Variants in LARGE1 observed in about 807,000 individuals in gnomAD.
LARGE1 encodes the protein LARGE xylosyl- and glucuronyltransferase 1.
Under a neutral mutation model 87.6 loss-of-function variants are expected in LARGE1, and 43 were observed. The observed-to-expected ratio is 0.49, with a 90% confidence interval of 0.38 to 0.63. The LOEUF is 0.63. Among genes scored for constraint, LARGE1 ranks in the 30% least tolerant of loss-of-function variants. The pLI, the probability that LARGE1 is intolerant of heterozygous loss-of-function variation, is 0.00. For synonymous variants in LARGE1, 434 were observed against 394.6 expected (o/e 1.10, Z -1.18); for missense variants, 802 against 1,000.2 (o/e 0.80, Z 2.67).
intron 7 of LARGE1, among the ~76,000 whole-genome samples, chr22:33,416,003 T>C (rs148016902): frequency 6.6e-6 from 1 of 152,352 alleles, no homozygotes; most frequent in African/African-American, 2.4e-5. Flanking sequence ...GCACCACGAA[T>C]CTTAGCTATC....
chr22:33,274,426 G>A lies in LARGE1; in HGVS notation c.*1C>T, dbSNP rs1928748730. 1.9e-6 allele frequency: 3 copies of A among 1,614,018 alleles called. No individual in the cohort carries two copies. The highest frequency in any genetic ancestry group is 2.5e-6 in the Non-Finnish European group (3 of 1,179,982). On this transcript the variant is annotated 3_prime_UTR_variant, in exon 15 of 15. Transcript: ENST00000397394. ...TCCCCCTAGTGGTGGGCTTCTTGGTGCTAGCTGTTGTTCTCGGCTGTGAGA... is the reference window on the plus strand; with the variant it reads ...TCCCCCTAGTGGTGGGCTTCTTGGTACTAGCTGTTGTTCTCGGCTGTGAGA...
chr22:33,351,407 C>A (rs1343915793), intron 9 of LARGE1, among the ~76,000 whole-genome samples: 1 of 152,176 alleles, frequency 6.6e-6, no homozygotes, highest in Non-Finnish European at 1.5e-5. Context: ...CTTCTGTCAA[C>A]CAACCATACT....
chr22:33,444,728 G>A (rs771963366), intron 6 of LARGE1, among the ~76,000 whole-genome samples: 2 of 152,168 alleles, frequency 1.3e-5, no homozygotes, highest in Non-Finnish European at 2.9e-5. Context: ...CATGAGATAA[G>A]TTATTCATCT....
intron 6 of LARGE1, among the ~76,000 whole-genome samples, chr22:33,562,094 T>C (rs1312381361): frequency 6.6e-6 from 1 of 152,176 alleles, no homozygotes; most frequent in East Asian, 1.9e-4. Flanking sequence ...TGAAGGACAC[T>C]CTCTCTTGGA....
chr22:33,266,667 G>T (rs1428121068), intron 11 of LARGE1, among the ~76,000 whole-genome samples: 1 of 151,654 alleles, frequency 6.6e-6, no homozygotes, highest in Non-Finnish European at 1.5e-5. Context: ...TCTCCAGCAG[G>T]AGTATGAAAA....
chr22:33,738,758 T>C (rs1601480442), intron 2 of LARGE1, among the ~76,000 whole-genome samples: 1 of 147,534 alleles, frequency 6.8e-6, no homozygotes, highest in African/African-American at 2.5e-5. Flanking sequence ...GGCCAGAGAG[T>C]GGTGTGAACC....
intron 11 of LARGE1, among the ~76,000 whole-genome samples, chr22:33,180,758 T>C (rs1923118376): frequency 6.6e-6 from 1 of 152,122 alleles, no homozygotes; most frequent in East Asian, 1.9e-4. Flanking sequence ...GAATGTAGTA[T>C]GAATACATGC....
intron 6 of LARGE1, among the ~76,000 whole-genome samples, chr22:33,471,238 A>G (rs2148110776): frequency 6.6e-6 from 1 of 151,944 alleles, no homozygotes; most frequent in South Asian, 2.1e-4. Flanking sequence ...AGAGATTTTT[A>G]GCACCACGGT....
chr22:33,738,607 C>T (rs1287103059), intron 2 of LARGE1, among the ~76,000 whole-genome samples: 2 of 152,156 alleles, frequency 1.3e-5, no homozygotes, highest in Non-Finnish European at 2.9e-5. Context: ...CGCCTGTAAT[C>T]CCAGCACTTT....
At chr22:33,255,284 T>A (rs1055245797) in intron 11 of LARGE1, among the ~76,000 whole-genome samples, 2 of 152,166 alleles carry the variant, frequency 1.3e-5, no homozygotes, top group African/African-American at 4.8e-5. Flanking sequence ...ATTTTAACTT[T>A]CACATTCAGT....
the LARGE1 span, among the ~76,000 whole-genome samples, chr22:33,094,838 C>A: frequency 1.3e-5 from 2 of 152,232 alleles, no homozygotes; most frequent in Non-Finnish European, 2.9e-5. Flanking sequence ...CCTGCCTCAG[C>A]CTCCTGAGTA....
downstream of LARGE1, among the ~76,000 whole-genome samples, chr22:33,269,732 CCGGT>C (rs1318735640): frequency 1.3e-5 from 2 of 151,770 alleles, no homozygotes; most frequent in Admixed American, 1.3e-4. Context: ...ACCTGAGCCA[CCGGT>C]GGCTCACGCC....
rs1277581167 is a variant in LARGE1, at chr22:33,432,062, G to A, written c.892+99C>T. ...ACCACTGAATTCAAGCAATCAGGTG[G>A]CCTCCTCCTGAGCTTTTGCAATCTC... On this transcript the variant is annotated intron_variant, in intron 7 of 14. Coordinates refer to ENST00000397394, the MANE Select transcript of LARGE1 (RefSeq NM_133642.5). 3 of 913,340 alleles carry A rather than the reference G, an allele frequency of 3.3e-6. No homozygotes were observed. In the East Asian group the frequency reaches 7.6e-5, roughly 23 times the overall value. The allele number at this position is 913,340 out of a possible 1,614,324, so 56.6% of individuals were successfully genotyped here.
At chr22:33,239,025 C>T (rs972390907) in intron 11 of LARGE1, among the ~76,000 whole-genome samples, 1 of 151,322 alleles carries the variant, frequency 6.6e-6, no homozygotes, top group Non-Finnish European at 1.5e-5. Flanking sequence ...TCAAAGTTAT[C>T]TTCAAAAAAC....
intron 9 of LARGE1, among the ~76,000 whole-genome samples, chr22:33,346,336 C>A (rs2146687086): frequency 6.7e-6 from 1 of 150,016 alleles, no homozygotes; most frequent in Non-Finnish European, 1.5e-5. Context: ...GAGTCTCAAT[C>A]TTGTCACCCA....
chr22:33,703,724 T>C (rs1175573285), intron 2 of LARGE1, among the ~76,000 whole-genome samples: 1 of 152,194 alleles, frequency 6.6e-6, no homozygotes, highest in Non-Finnish European at 1.5e-5. Context: ...GGGGATGGGA[T>C]TCTCCCTCAG....
At chr22:33,246,089 T>C (rs1926744135) in intron 11 of LARGE1, among the ~76,000 whole-genome samples, 2 of 152,216 alleles carry the variant, frequency 1.3e-5, no homozygotes, top group Admixed American at 6.5e-5. Flanking sequence ...AAATGCACCA[T>C]TTTAAAATAA....
At chr22:33,649,331 G>T (rs887298465) in intron 3 of LARGE1, among the ~76,000 whole-genome samples, 1 of 152,144 alleles carries the variant, frequency 6.6e-6, no homozygotes, top group Admixed American at 6.6e-5. Context: ...CACTAGAATA[G>T]AATACTACAG....
At chr22:33,756,090 G>C (rs1408564642) in intron 2 of LARGE1, among the ~76,000 whole-genome samples, 1 of 152,118 alleles carries the variant, frequency 6.6e-6, no homozygotes, top group Non-Finnish European at 1.5e-5. Flanking sequence ...TAGTTCAACA[G>C]GGTATTATAC....
Sources: gnomAD v4.1 joint callset for allele counts (sites outside exome capture counted in the v4.1 genomes callset) on GRCh38, gnomAD v4.1.1 for gene constraint, MANE v1.5 for transcripts, NCBI Gene and HGNC (gene_info 2026-07-23, HGNC 2026-07-21) for gene names.